NALCN: variants seen among roughly 807,000 people sequenced by gnomAD.
NALCN encodes the protein sodium leak channel NALCN.
Under a neutral mutation model 225.3 loss-of-function variants are expected in NALCN, and 111 were observed. The ratio of observed to expected loss-of-function variants is 0.49; its 90% CI spans 0.42 to 0.58. NALCN has a LOEUF of 0.58. Among genes scored for constraint, NALCN ranks in the 20% least tolerant of loss-of-function variants. The pLI, the probability that NALCN is intolerant of heterozygous loss-of-function variation, is 0.00. For missense variants in NALCN, 1,378 were observed against 2,202.4 expected (o/e 0.63, Z 7.49); for synonymous variants, 764 against 769.0 (o/e 0.99, Z 0.11).
intron 10 of NALCN, among the ~76,000 whole-genome samples, chr13:101,262,682 A>G (rs560334952): frequency 3.9e-4 from 59 of 152,230 alleles, no homozygotes; most frequent in African/African-American, 1.4e-3. Flanking sequence ...AGAGAACAAG[A>G]ACTGCCTCTT....
chr13:101,156,041 ACT>A (rs2037884892), intron 15 of NALCN, among the ~76,000 whole-genome samples: 1 of 151,552 alleles, frequency 6.6e-6, no homozygotes, highest in Non-Finnish European at 1.5e-5. Context: ...TGTATTTGTG[ACT>A]ATTTATTGTA....
intron 15 of NALCN, among the ~76,000 whole-genome samples, chr13:101,164,318 G>A (rs967167533): frequency 2.0e-5 from 3 of 152,144 alleles, no homozygotes; most frequent in Non-Finnish European, 2.9e-5. Context: ...GGGGGACAGG[G>A]TCTTTCTCTG....
intron 13 of NALCN, among the ~76,000 whole-genome samples, chr13:101,209,273 A>G (rs2140069473): frequency 6.6e-6 from 1 of 152,326 alleles, no homozygotes; most frequent in Non-Finnish European, 1.5e-5. Context: ...GATTAATAAC[A>G]TCCAGAAAAA....
At chr13:101,380,211 G>A (rs2046810909) in intron 3 of NALCN, among the ~76,000 whole-genome samples, 1 of 151,286 alleles carries the variant, frequency 6.6e-6, no homozygotes, top group Admixed American at 6.6e-5. Flanking sequence ...GGACCACAGT[G>A]TAATAAAAAT....
At chr13:101,084,075 A>G (rs1437540733) in intron 30 of NALCN, among the ~76,000 whole-genome samples, 1 of 152,216 alleles carries the variant, frequency 6.6e-6, no homozygotes, top group African/African-American at 2.4e-5. Flanking sequence ...GGGAAAATGT[A>G]AAGAGGAGTT....
intron 6 of NALCN, among the ~76,000 whole-genome samples, chr13:101,352,649 T>G (rs968638690): frequency 1.3e-5 from 2 of 152,184 alleles, no homozygotes; most frequent in African/African-American, 4.8e-5. Context: ...AAATGGATAC[T>G]GTGACTGATG....
intron 3 of NALCN, among the ~76,000 whole-genome samples, chr13:101,383,337 T>C (rs1372909435): frequency 6.6e-6 from 1 of 152,192 alleles, no homozygotes; most frequent in Non-Finnish European, 1.5e-5. Context: ...TCCAACTTAT[T>C]GGATCTGATG....
intron 6 of NALCN, among the ~76,000 whole-genome samples, chr13:101,365,846 T>C (rs2046364881): frequency 6.6e-6 from 1 of 152,194 alleles, no homozygotes; most frequent in African/African-American, 2.4e-5. Context: ...AGTTCCTGTT[T>C]GAATCCTGCT....
intron 18 of NALCN, among the ~76,000 whole-genome samples, chr13:101,123,926 C>T (rs1488334348): frequency 2.6e-5 from 4 of 152,182 alleles, no homozygotes; most frequent in Admixed American, 1.3e-4. Context: ...TCTGTCCACT[C>T]GCCTTGCGAG....
chr13:101,146,793 T>C (rs959806231), intron 15 of NALCN, among the ~76,000 whole-genome samples: 3 of 152,150 alleles, frequency 2.0e-5, no homozygotes, highest in Admixed American at 6.5e-5. Flanking sequence ...AATAAGTCAC[T>C]GCACTCGCCC....
At chr13:101,075,551 A>T (rs910136384) in intron 35 of NALCN, among the ~76,000 whole-genome samples, 18 of 151,902 alleles carry the variant, frequency 1.2e-4, no homozygotes, top group Admixed American at 1.2e-3. Context: ...TGAAAATAAA[A>T]ATAAAAATGC....
intron 18 of NALCN, among the ~76,000 whole-genome samples, chr13:101,122,139 A>G (rs1352700347): frequency 6.6e-6 from 1 of 152,076 alleles, no homozygotes; most frequent in Non-Finnish European, 1.5e-5. Context: ...TACTATTACT[A>G]CGATTAGTGG....
chr13:101,289,586 T>C (rs998057590), intron 9 of NALCN, among the ~76,000 whole-genome samples: 13 of 151,012 alleles, frequency 8.6e-5, no homozygotes, highest in African/African-American at 3.2e-4. Flanking sequence ...TTATGGGAAG[T>C]CTGCAGACTT....
Position 101,104,788 on chromosome 13 carries a change from C to T in NALCN, c.2636+106G>A. ...CATTCCCCAATCATCTATTTCATAG[C>T]ACTATATAGCAAGAAAATAAAAGAG... is the stretch of plus-strand genomic sequence containing the variant. On this transcript the variant is annotated intron_variant, in intron 23 of 43. Coordinates refer to ENST00000251127, the MANE Select transcript of NALCN (RefSeq NM_052867.4). The surrounding 1 kb of genome is among the most constrained non-coding windows in gnomAD (Gnocchi z 4.2). 2.6e-6 allele frequency: 4 copies of T among 1,543,042 alleles called. No individual in the cohort carries two copies. In the South Asian group the frequency reaches 4.6e-5, roughly 18 times the overall value.
At chr13:101,124,776 C>A in intron 17 of NALCN, 95 bp from the exon 18 acceptor site, 1 of 1,038,320 alleles carries the variant, frequency 9.6e-7, no homozygotes, top group Non-Finnish European at 1.5e-6. Context: ...AAACATGAAA[C>A]ATGAATATGT....
intron 13 of NALCN, among the ~76,000 whole-genome samples, chr13:101,219,442 C>T (rs559504654): frequency 6.6e-6 from 1 of 152,260 alleles, no homozygotes; most frequent in Non-Finnish European, 1.5e-5. Flanking sequence ...CATTGTTGCT[C>T]ATTCTCCATT....
At chr13:101,159,480 C>T (rs897961858) in intron 15 of NALCN, among the ~76,000 whole-genome samples, 12 of 151,954 alleles carry the variant, frequency 7.9e-5, no homozygotes, top group Admixed American at 3.3e-4. Context: ...GGCCAGGGGT[C>T]GGAGCAGAAA....
intron 7 of NALCN, among the ~76,000 whole-genome samples, chr13:101,313,163 C>T (rs1020939275): frequency 2.4e-4 from 36 of 152,126 alleles, no homozygotes; most frequent in African/African-American, 6.8e-4. Flanking sequence ...CTTCCTTACA[C>T]CTTATACAAA....
At chr13:101,167,701 GGTGGTGC>G (rs879690795) in intron 15 of NALCN, among the ~76,000 whole-genome samples, 36,023 of 150,862 alleles carry the variant, frequency 0.24, 5,050 homozygotes, top group Non-Finnish European at 0.32. Context: ...AGTTGGATTT[GGTGGTGC>G]ATGCCTGTAA....
Sources: allele counts gnomAD v4.1 joint callset (sites outside exome capture counted in the v4.1 genomes callset), GRCh38; gene constraint gnomAD v4.1.1; non-coding constraint Gnocchi (gnomAD v3.1); transcripts MANE v1.5; gene names NCBI Gene and HGNC (gene_info 2026-07-23, HGNC 2026-07-21).